Variants in KLF17 observed in about 807,000 individuals in gnomAD.
KLF17 encodes KLF transcription factor 17, also known as Krueppel-like factor 17.
KLF17 carries 31 observed loss-of-function variants against 34.2 expected under a neutral mutation model. That is an observed-to-expected ratio of 0.91 (90% CI 0.68 to 1.22). KLF17 has a LOEUF of 1.22. Ranked by LOEUF, KLF17 falls within the 50% of genes most tolerant of loss-of-function variation. The pLI is 0.00. For synonymous variants in KLF17, 179 were observed against 186.7 expected, an observed-to-expected ratio of 0.96 and a Z score of 0.34; for missense variants, 478 against 505.2, an observed-to-expected ratio of 0.95 and a Z score of 0.52.
At chr1:44,073,233 G>A in the KLF17 span, among the ~76,000 whole-genome samples, 1 of 144,460 alleles carries the variant, frequency 6.9e-6, no homozygotes, top group Non-Finnish European at 1.5e-5. Flanking sequence ...TTGAGACAGA[G>A]TCTCACTCCG....
chr1:44,080,485 G>A, the KLF17 span, among the ~76,000 whole-genome samples: 56 of 150,024 alleles, frequency 3.7e-4, 3 homozygotes, highest in South Asian at 2.1e-4. Context: ...TGATATGCCC[G>A]CCTTGGCCTC....
At chr1:44,086,437 G>A in the KLF17 span, among the ~76,000 whole-genome samples, 3 of 152,114 alleles carry the variant, frequency 2.0e-5, no homozygotes. Flanking sequence ...TTGCGCTCCA[G>A]CCTGGGCAAC....
At chr1:44,049,654 T>C in the KLF17 span, among the ~76,000 whole-genome samples, 1 of 152,126 alleles carries the variant, frequency 6.6e-6, no homozygotes, top group Admixed American at 6.5e-5. Context: ...GGCTAATTTT[T>C]GTATTGTTTG....
At chr1:44,124,574 A>G (rs1023077513) in intron 1 of KLF17, among the ~76,000 whole-genome samples, 9 of 146,600 alleles carry the variant, frequency 6.1e-5, no homozygotes, top group African/African-American at 2.0e-4. Flanking sequence ...GGCTCACTGC[A>G]GGCTCCGCCC....
upstream of KLF17, among the ~76,000 whole-genome samples, chr1:44,117,957 C>A (rs1185960494): frequency 6.6e-6 from 1 of 152,188 alleles, no homozygotes; most frequent in Non-Finnish European, 1.5e-5. Flanking sequence ...AATCCAAATT[C>A]CTTTCTATGG....
At chr1:44,057,918 T>C in the KLF17 span, among the ~76,000 whole-genome samples, 1 of 152,118 alleles carries the variant, frequency 6.6e-6, no homozygotes, top group Admixed American at 6.5e-5. Flanking sequence ...GACTGGCAAA[T>C]AGATTTTACT....
the KLF17 span, among the ~76,000 whole-genome samples, chr1:44,077,255 G>T: frequency 6.6e-6 from 1 of 151,958 alleles, no homozygotes; most frequent in African/African-American, 2.4e-5. Context: ...TGAGGCAGGA[G>T]AATCGCTTGA....
At chr1:44,045,489 A>G in the KLF17 span, among the ~76,000 whole-genome samples, 1 of 152,200 alleles carries the variant, frequency 6.6e-6, no homozygotes, top group Non-Finnish European at 1.5e-5. Flanking sequence ...TCAAAACTCA[A>G]TTCCAGACTC....
At chr1:44,052,964 G>C in the KLF17 span, among the ~76,000 whole-genome samples, 1 of 150,566 alleles carries the variant, frequency 6.6e-6, no homozygotes, top group Non-Finnish European at 1.5e-5. Flanking sequence ...GCAGCGGCAA[G>C]ATCTCGACTT....
chr1:44,108,660 C>CT, the KLF17 span, among the ~76,000 whole-genome samples: 8,433 of 75,006 alleles, frequency 0.11, 975 homozygotes, highest in African/African-American at 0.16. Flanking sequence ...TTTGTTAGCT[C>CT]TTTTTTTTTT....
rs772368262 is a variant in KLF17 at position 44,129,974 on chromosome 1, T to A, written c.703T>A (p.Ser235Thr). 1 of 1,614,066 alleles carries A rather than the reference T, an allele frequency of 6.2e-7. No homozygotes were observed. Among genetic ancestry groups the A allele is most frequent in the Admixed American group, 1.7e-5 (1 of 60,004 alleles). Reference sequence around the variant, plus strand: ...GTCCCAGTCATTGCTGGTTTTAGGATCTCAGGACTCTCTTGTCAGTCAGCC... The same window carrying A: ...GTCCCAGTCATTGCTGGTTTTAGGAACTCAGGACTCTCTTGTCAGTCAGCC... ...AESQSLLVLG[S>T]QDSLVSQPDS... The change falls in exon 2 of 4, where the codon TCT becomes ACT. Residue 235 changes from serine to threonine, a missense_variant. Transcript: ENST00000372299.
At chr1:44,059,883 G>A in the KLF17 span, among the ~76,000 whole-genome samples, 1 of 151,988 alleles carries the variant, frequency 6.6e-6, no homozygotes, top group Non-Finnish European at 1.5e-5. Flanking sequence ...CCTTCTCCTG[G>A]ATCAGAACAT....
chr1:44,069,988 C>T, the KLF17 span: 63,945 of 151,874 alleles, frequency 0.42, 13,712 homozygotes, highest in East Asian at 0.57. This position sits in a 1 kb window ranked among gnomAD's most constrained non-coding sequence, Gnocchi z 4.7. Context: ...GGAATCTGGA[C>T]GCCACACCCT....
the KLF17 span, among the ~76,000 whole-genome samples, chr1:44,100,649 T>C: frequency 6.6e-6 from 1 of 151,906 alleles, no homozygotes; most frequent in East Asian, 1.9e-4. Flanking sequence ...TGTTTTGTTT[T>C]GTTTTGTTTT....
chr1:44,109,046 A>G, the KLF17 span, among the ~76,000 whole-genome samples: 1 of 152,170 alleles, frequency 6.6e-6, no homozygotes, highest in South Asian at 2.1e-4. Context: ...AAGAAGGAGA[A>G]GAGCCCTTTG....
the KLF17 span, chr1:44,110,610 C>T: frequency 6.6e-6 from 1 of 152,154 alleles, no homozygotes; most frequent in African/African-American, 2.4e-5. Flanking sequence ...AGGAAAAGCA[C>T]TTGAACCCTG....
the KLF17 span, chr1:44,048,359 G>A: frequency 6.6e-6 from 1 of 152,222 alleles, no homozygotes. Context: ...TTCACTCAGA[G>A]CAGACCGAAG....
chr1:44,089,701 A>G, the KLF17 span, among the ~76,000 whole-genome samples: 371 of 152,354 alleles, frequency 2.4e-3, 3 homozygotes, highest in Non-Finnish European at 3.9e-3. Context: ...GTTGCCAAAG[A>G]TAATAGTGGC....
chr1:44,074,251 C>T, the KLF17 span, among the ~76,000 whole-genome samples: 1 of 151,958 alleles, frequency 6.6e-6, no homozygotes, highest in Non-Finnish European at 1.5e-5. Context: ...ATCTTCATCT[C>T]GTTTATGTTT....
Sources: gnomAD v4.1 joint callset for allele counts (sites outside exome capture counted in the v4.1 genomes callset) on GRCh38, gnomAD v4.1.1 for gene constraint, Gnocchi (gnomAD v3.1) non-coding constraint, MANE v1.5 for transcripts, NCBI Gene and HGNC (gene_info 2026-07-23, HGNC 2026-07-21) for gene names.